The following GPM6A variants were observed in gnomAD, a reference collection of about 807,000 sequenced individuals.
GPM6A encodes glycoprotein M6A.
A neutral mutation model predicts 32.1 loss-of-function variants in GPM6A; 7 were observed. The observed-to-expected ratio is 0.22, with a 90% CI of 0.12 to 0.41. GPM6A has a LOEUF of 0.41. Among genes scored for constraint, GPM6A ranks in the 10% least tolerant of loss-of-function variants. GPM6A has a pLI of 1.00. For synonymous variants in GPM6A, 130 were observed against 123.4 expected (o/e 1.05, Z -0.35); for missense variants, 235 against 347.2 (o/e 0.68, Z 2.57).
chr4:175,663,037 C>T (rs951683041), intron 3 of GPM6A, among the ~76,000 whole-genome samples: 2 of 152,136 alleles, frequency 1.3e-5, no homozygotes, highest in African/African-American at 2.4e-5. Flanking sequence ...CCAGCCTTTA[C>T]TTTTAATCAG....
At chr4:175,782,718 A>T (rs188661438) in intron 1 of GPM6A, among the ~76,000 whole-genome samples, 2 of 152,134 alleles carry the variant, frequency 1.3e-5, no homozygotes, top group South Asian at 4.1e-4. Context: ...TAAGTAGTAT[A>T]AATTACCTTA....
At position 175,710,821 on chromosome 4, in the gene GPM6A, T is replaced by G. The variant is rs371393633; in HGVS notation, c.38-9054A>C. 1.1e-4 allele frequency among the ~76,000 whole-genome samples: 16 copies of G among 152,326 alleles called. No homozygotes were observed. In the East Asian group the frequency reaches 2.7e-3, roughly 26 times the overall value. On this transcript the variant is annotated intron_variant, in intron 1 of 6. Coordinates refer to ENST00000393658, the MANE Select transcript of GPM6A (RefSeq NM_201591.3). ...TTTTTTGCTTTGTTTAATTTTGTTTTCCTGTCTCAGCCTTTCACAGAGTCC... is the reference window on the plus strand; with the variant it reads ...TTTTTTGCTTTGTTTAATTTTGTTTGCCTGTCTCAGCCTTTCACAGAGTCC...
At chr4:175,860,745 C>T (rs2111419520) in intron 1 of GPM6A, among the ~76,000 whole-genome samples, 1 of 152,234 alleles carries the variant, frequency 6.6e-6, no homozygotes, top group East Asian at 1.9e-4. Flanking sequence ...ATGGCCTCTT[C>T]CTCCCATGCA....
chr4:175,902,060 CT>C (rs1196125910), intron 1 of GPM6A, among the ~76,000 whole-genome samples: 8 of 151,996 alleles, frequency 5.3e-5, no homozygotes, highest in African/African-American at 1.2e-4. Context: ...TGTGTAGCAC[CT>C]TTTTTTGTAG....
At chr4:175,834,336 T>G (rs1407198506) in intron 1 of GPM6A, among the ~76,000 whole-genome samples, 1 of 152,264 alleles carries the variant, frequency 6.6e-6, no homozygotes, top group Non-Finnish European at 1.5e-5. Flanking sequence ...CGGCTGCTTT[T>G]TTTAGTTTGT....
At chr4:175,676,452 A>T (rs1482822638) in intron 2 of GPM6A, among the ~76,000 whole-genome samples, 1 of 152,238 alleles carries the variant, frequency 6.6e-6, no homozygotes, top group East Asian at 1.9e-4. Flanking sequence ...ACAATGCTGG[A>T]TAAAAAACTG....
chr4:175,952,784 G>T (rs187315875), intron 1 of GPM6A, among the ~76,000 whole-genome samples: 128 of 152,160 alleles, frequency 8.4e-4, no homozygotes, highest in Admixed American at 1.3e-3. Flanking sequence ...GGGAACTTGG[G>T]CCTGTAATCT....
At chr4:175,724,476 C>T (rs568548642) in intron 1 of GPM6A, among the ~76,000 whole-genome samples, 18 of 152,150 alleles carry the variant, frequency 1.2e-4, no homozygotes, top group Middle Eastern at 3.4e-3. Context: ...ACCCAGAAGG[C>T]GGAGGTTGCA....
At chr4:175,958,974 A>G (rs1484456706) in intron 1 of GPM6A, among the ~76,000 whole-genome samples, 1 of 152,216 alleles carries the variant, frequency 6.6e-6, no homozygotes, top group African/African-American at 2.4e-5. Flanking sequence ...GTCTGAATAT[A>G]CAATAAAATT....
intron 1 of GPM6A, among the ~76,000 whole-genome samples, chr4:175,976,021 A>G (rs1740645858): frequency 6.6e-6 from 1 of 152,148 alleles, no homozygotes. Context: ...TTGAAAATTC[A>G]GTGATTTAGA....
At chr4:175,857,765 A>T (rs1056637507) in intron 1 of GPM6A, among the ~76,000 whole-genome samples, 1 of 152,140 alleles carries the variant, frequency 6.6e-6, no homozygotes. Context: ...ATCTAACACC[A>T]TACTTAATGA....
chr4:175,771,125 A>G (rs775164237), intron 1 of GPM6A, among the ~76,000 whole-genome samples: 3 of 151,228 alleles, frequency 2.0e-5, no homozygotes, highest in Non-Finnish European at 2.9e-5. Flanking sequence ...CACCTTCATT[A>G]TGGCCACAGT....
intron 1 of GPM6A, among the ~76,000 whole-genome samples, chr4:175,850,954 A>G (rs1251435130): frequency 6.6e-6 from 1 of 151,890 alleles, no homozygotes; most frequent in African/African-American, 2.4e-5. Context: ...CCTATCATGC[A>G]TGTGTTCTTC....
At chr4:175,668,311 C>A (rs1486594895) in intron 3 of GPM6A, among the ~76,000 whole-genome samples, 1 of 151,854 alleles carries the variant, frequency 6.6e-6, no homozygotes. Context: ...GCCCTTCTTC[C>A]TCAATGCCAC....
intron 1 of GPM6A, among the ~76,000 whole-genome samples, chr4:175,733,900 T>C (rs1373317185): frequency 6.6e-6 from 1 of 152,268 alleles, no homozygotes; most frequent in African/African-American, 2.4e-5. Context: ...AAAATTAAAA[T>C]GCCATTATGA....
At chr4:175,974,716 C>T (rs1451257423) in intron 1 of GPM6A, among the ~76,000 whole-genome samples, 1 of 151,888 alleles carries the variant, frequency 6.6e-6, no homozygotes, top group Non-Finnish European at 1.5e-5. Flanking sequence ...AGGATCTCAC[C>T]CTGTGCCTCA....
At chr4:175,778,811 T>C (rs1394933584) in intron 1 of GPM6A, among the ~76,000 whole-genome samples, 1 of 150,100 alleles carries the variant, frequency 6.7e-6, no homozygotes, top group Non-Finnish European at 1.5e-5. Flanking sequence ...ACTAAATATA[T>C]AAAATAACAT....
intron 2 of GPM6A, among the ~76,000 whole-genome samples, chr4:175,683,531 C>A (rs1482623773): frequency 6.6e-6 from 1 of 152,010 alleles, no homozygotes; most frequent in Non-Finnish European, 1.5e-5. Context: ...TTTGTCCCTG[C>A]TTAAATCTCA....
intron 1 of GPM6A, among the ~76,000 whole-genome samples, chr4:175,990,151 C>T (rs578155394): frequency 5.3e-5 from 8 of 152,336 alleles, no homozygotes; most frequent in Admixed American, 5.2e-4. Context: ...AGAATACCAA[C>T]TTCTCCTAGT....
Sources: allele counts gnomAD v4.1 joint callset (sites outside exome capture counted in the v4.1 genomes callset), GRCh38; gene constraint gnomAD v4.1.1; transcripts MANE v1.5; gene names NCBI Gene and HGNC (gene_info 2026-07-23, HGNC 2026-07-21).